The following MYO5A variants were observed in gnomAD, a reference collection of about 807,000 sequenced individuals.
MYO5A encodes the protein unconventional myosin-Va.
In MYO5A, 98 loss-of-function variants were observed where a neutral mutation model predicts 249.7. That is an observed-to-expected ratio of 0.39 (90% confidence interval 0.33 to 0.46). The LOEUF is 0.46. Among genes scored for constraint, MYO5A ranks in the 20% least tolerant of loss-of-function variants. MYO5A has a pLI of 0.98. For synonymous variants in MYO5A, 778 were observed against 810.6 expected, an observed-to-expected ratio of 0.96 and a Z score of 0.68; for missense variants, 1,696 against 2,308.8, an observed-to-expected ratio of 0.73 and a Z score of 5.44.
intron 1 of MYO5A, among the ~76,000 whole-genome samples, chr15:52,461,993 G>C (rs1377321971): frequency 6.6e-6 from 1 of 151,204 alleles, no homozygotes; most frequent in Non-Finnish European, 1.5e-5. Flanking sequence ...GCCAGGCGCA[G>C]TGGCTCATGC....
At chr15:52,497,297 G>A (rs2077057392) in intron 1 of MYO5A, among the ~76,000 whole-genome samples, 2 of 151,958 alleles carry the variant, frequency 1.3e-5, no homozygotes, top group Non-Finnish European at 1.5e-5. Flanking sequence ...GGCAGCAGAT[G>A]GAATGAGGAG....
Position 52,375,444 on chromosome 15 carries a change from G to A in MYO5A, c.2437C>T (p.Arg813Cys), listed in dbSNP as rs769710517. The change falls in exon 20 of 42, where the codon CGC (arginine) becomes TGC (cysteine). Residue 813 changes from arginine to cysteine, a missense_variant. This residue lies in a region of MYO5A where 412 missense variants were observed against 453.3 expected (regional missense o/e 0.91). Transcript: ENST00000399233. ...ATGATGGTTGCTGCCTTGGTTCTGCGCAGAAACTTAGCATAGCTGGCCAAA... is the reference window on the plus strand; with the variant it reads ...ATGATGGTTGCTGCCTTGGTTCTGCACAGAAACTTAGCATAGCTGGCCAAA... ...YQARCYAKFLRRTKAATIIQK... is the reference protein window; with the variant it reads ...YQARCYAKFLCRTKAATIIQK... The A allele has an allele frequency of 5.8e-5, 94 of 1,613,918 alleles. No individual in the cohort carries two copies. Among genetic ancestry groups the A allele is most frequent in the Middle Eastern group, 3.3e-4 (2 of 6,084 alleles).
intron 5 of MYO5A, among the ~76,000 whole-genome samples, chr15:52,414,823 T>C (rs28485251): frequency 0.043 from 6,509 of 152,242 alleles, 410 homozygotes; most frequent in African/African-American, 0.14. Context: ...CATCCAGCAG[T>C]GTATCTGTAG....
At chr15:52,458,045 C>T (rs768161414) in intron 1 of MYO5A, among the ~76,000 whole-genome samples, 2 of 152,030 alleles carry the variant, frequency 1.3e-5, no homozygotes, top group Admixed American at 6.6e-5. Context: ...ATGTAAGCTA[C>T]AAAAAAGTAG....
chr15:52,331,859 T>C (rs1182777555), intron 34 of MYO5A: 4 of 985,306 alleles, frequency 4.1e-6, no homozygotes, highest in Admixed American at 6.1e-5. Flanking sequence ...CAGATTGTGA[T>C]TGGACAGATC....
chr15:52,335,094 G>C (rs142586840), intron 34 of MYO5A, among the ~76,000 whole-genome samples: 2 of 152,338 alleles, frequency 1.3e-5, no homozygotes, highest in African/African-American at 2.4e-5. Flanking sequence ...AATCTTCACT[G>C]TTTGAACCAA....
chr15:52,505,491 T>C, intron 1 of MYO5A: 1 of 1,181,366 alleles, frequency 8.5e-7, no homozygotes, highest in Non-Finnish European at 1.3e-6. Flanking sequence ...ATGATGACAT[T>C]GATCTCTCTG....
intron 39 of MYO5A, among the ~76,000 whole-genome samples, chr15:52,318,848 T>C (rs552390384): frequency 1.7e-3 from 255 of 152,322 alleles, no homozygotes; most frequent in African/African-American, 5.9e-3. Flanking sequence ...AAGAACCTGT[T>C]GGCAGGGTAC....
chr15:52,503,735 C>T (rs2077204072), intron 1 of MYO5A, among the ~76,000 whole-genome samples: 1 of 152,134 alleles, frequency 6.6e-6, no homozygotes, highest in South Asian at 2.1e-4. Context: ...TTATTATGTT[C>T]GTCTCCTGAT....
Position 52,433,352 on chromosome 15 carries a change from T to C in MYO5A, c.28-67A>G, listed in dbSNP as rs1595673829. ...TATTTTACAATCATATATAAACATA[T>C]GATAACTATTTATAATTAAACAATT... On this transcript the variant is annotated intron_variant, in intron 1 of 41. Coordinates refer to ENST00000399233, the MANE Select transcript of MYO5A (RefSeq NM_001382347.1). The C allele has an allele frequency of 1.1e-5, 9 of 840,516 alleles. No individual in the cohort carries two copies. The East Asian group carries it at 1.4e-4, about 13-fold the overall frequency. The allele number at this position is 840,516 out of a possible 1,614,324, so 52.1% of individuals were successfully genotyped here. A position where few individuals can be genotyped will look rare whatever the true frequency, so the allele number is the denominator to read the frequency against.
At chr15:52,439,444 A>G (rs1234291578) in intron 1 of MYO5A, among the ~76,000 whole-genome samples, 4 of 152,208 alleles carry the variant, frequency 2.6e-5, no homozygotes, top group African/African-American at 9.7e-5. Flanking sequence ...GTTATTTATG[A>G]ATCTACCTAC....
chr15:52,476,807 T>C (rs1279813513), intron 1 of MYO5A, among the ~76,000 whole-genome samples: 1 of 152,224 alleles, frequency 6.6e-6, no homozygotes, highest in Non-Finnish European at 1.5e-5. Context: ...CGGACCTTTC[T>C]CTCTGGCTGC....
At chr15:52,375,564 C>T (rs2041367449) in intron 19 of MYO5A, 104 bp from the exon 20 acceptor site, 1 of 1,158,126 alleles carries the variant, frequency 8.6e-7, no homozygotes, top group Admixed American at 1.9e-5. Context: ...ATAAATAGTA[C>T]CTCCATTGTA....
chr15:52,499,143 T>C (rs2077101429), intron 1 of MYO5A, among the ~76,000 whole-genome samples: 1 of 152,170 alleles, frequency 6.6e-6, no homozygotes, highest in African/African-American at 2.4e-5. Flanking sequence ...AAGCAGCTTC[T>C]CCTCCATCCC....
chr15:52,396,330 G>A lies in MYO5A; in HGVS notation c.1387C>T (p.Gln463Ter). 6.5e-7 allele frequency: 1 copy of A among 1,542,490 alleles called. No individual in the cohort carries two copies. The highest frequency in any genetic ancestry group is 8.9e-7 in the Non-Finnish European group (1 of 1,118,282). ...AACATTCTTACCATATTGAATTGTT[G>A]CTGTAGTTTTTCATTTGCATAATTT... is the stretch of plus-strand genomic sequence containing the variant. The part of the protein sequence containing the change: ...CINYANEKLQ[Q>*]QFNMHVFKLE... The change falls in exon 11 of 42, where the codon CAA becomes TAA. Residue 463 changes from glutamine to a stop codon, truncating the protein, a stop_gained. Transcript: ENST00000399233. LOFTEE classifies it high-confidence loss of function.
At chr15:52,442,756 TTC>T (rs1308036355) in intron 1 of MYO5A, among the ~76,000 whole-genome samples, 1 of 70,876 alleles carries the variant, frequency 1.4e-5, no homozygotes, top group Non-Finnish European at 3.0e-5. Context: ...AACAGTTTTT[TTC>T]TTTTTTTTTT....
rs1050690373 is a variant in MYO5A at position 52,505,819 on chromosome 15, G to A, written c.27+22961C>T. The A allele has an allele frequency of 2.5e-6, 4 of 1,594,612 alleles. No individual in the cohort carries two copies. In the African/African-American group the frequency reaches 5.3e-5, roughly 21 times the overall value. On this transcript the variant is annotated intron_variant, in intron 1 of 41. Coordinates refer to ENST00000399233, the MANE Select transcript of MYO5A (RefSeq NM_001382347.1). The stretch of plus-strand genomic sequence containing the variant: ...GGAGGAGCAGATCACTGCGTTTGAG[G>A]ACTATGTGCAGCCCATGGATGTGGC...
chr15:52,402,145 C>G (rs943139996), intron 9 of MYO5A, among the ~76,000 whole-genome samples: 1 of 152,196 alleles, frequency 6.6e-6, no homozygotes, highest in African/African-American at 2.4e-5. Flanking sequence ...GCCTAGGCCA[C>G]TACCAGCCCA....
At chr15:52,494,017 G>A (rs1195446249) in intron 1 of MYO5A, among the ~76,000 whole-genome samples, 5 of 152,144 alleles carry the variant, frequency 3.3e-5, no homozygotes, top group Non-Finnish European at 2.9e-5. Flanking sequence ...TTCACTGCCT[G>A]GCCCCTCGCT....
Sources: gnomAD v4.1 joint callset for allele counts (sites outside exome capture counted in the v4.1 genomes callset) on GRCh38, gnomAD v4.1.1 for gene constraint, gnomAD v4.1.1 regional missense constraint, MANE v1.5 for transcripts, NCBI Gene and HGNC (gene_info 2026-07-23, HGNC 2026-07-21) for gene names.